CDH13: variants seen among roughly 807,000 people sequenced by gnomAD.
CDH13 encodes cadherin-13.
A neutral mutation model predicts 63.8 loss-of-function variants in CDH13; 24 were observed. The observed-to-expected ratio is 0.38, with a 90% CI of 0.27 to 0.53. CDH13 has a LOEUF of 0.53. CDH13 is among the 20% of genes least tolerant of loss of function. The pLI is 0.85. For missense variants in CDH13, 1,049 were observed against 903.1 expected (o/e 1.16, Z -2.07); for synonymous variants, 503 against 355.3 (o/e 1.42, Z -4.67).
chr16:83,566,075 C>T (rs1470666978), intron 7 of CDH13, among the ~76,000 whole-genome samples: 1 of 152,196 alleles, frequency 6.6e-6, no homozygotes, highest in African/African-American at 2.4e-5. Flanking sequence ...CGTCTCTTGA[C>T]TTGGACTATG....
intron 11 of CDH13, among the ~76,000 whole-genome samples, chr16:83,765,476 C>A (rs1017812752): frequency 6.6e-6 from 1 of 151,878 alleles, no homozygotes; most frequent in Non-Finnish European, 1.5e-5. Context: ...GGAAACCTGG[C>A]GTTATATTAT....
intron 1 of CDH13, among the ~76,000 whole-genome samples, chr16:82,758,780 A>G (rs16958523): frequency 0.022 from 3,355 of 152,316 alleles, 100 homozygotes; most frequent in African/African-American, 0.076. Context: ...GATTAGCCCA[A>G]TGAACATTTA....
chr16:82,682,816 T>C (rs1914686495), intron 1 of CDH13, among the ~76,000 whole-genome samples: 2 of 152,196 alleles, frequency 1.3e-5, no homozygotes, highest in African/African-American at 2.4e-5. Context: ...CTCTTGTAAT[T>C]TTCCGAAGTC....
intron 1 of CDH13, among the ~76,000 whole-genome samples, chr16:82,648,002 G>T (rs1174403721): frequency 6.6e-6 from 1 of 152,136 alleles, no homozygotes; most frequent in African/African-American, 2.4e-5. Flanking sequence ...GGTTTCATAA[G>T]GGGCAGTTCC....
At chr16:83,153,045 C>A (rs1160763578) in intron 4 of CDH13, among the ~76,000 whole-genome samples, 1 of 152,176 alleles carries the variant, frequency 6.6e-6, no homozygotes, top group African/African-American at 2.4e-5. Flanking sequence ...CTACCCAGAG[C>A]CAACTTCTCA....
Position 83,032,221 on chromosome 16 carries a change from AAC to A in CDH13, c.366+7_366+8del, listed in dbSNP as rs1304563526. ...AAGACATCCAGGGCTCCTTGCAGGT[AAC>A]ACATCTGTTTGAGATAACTTGGGTT... On this transcript the variant is annotated splice_donor_5th_base_variant and intron_variant, in intron 3 of 13. Transcript: ENST00000567109. 2.5e-6 allele frequency: 4 copies of A among 1,611,562 alleles called. No individual in the cohort carries two copies. In the Admixed American group the frequency reaches 5.0e-5, roughly 20 times the overall value.
At chr16:83,746,844 A>G (rs539916167) in intron 10 of CDH13, among the ~76,000 whole-genome samples, 7 of 152,336 alleles carry the variant, frequency 4.6e-5, no homozygotes, top group East Asian at 3.9e-4. Flanking sequence ...GATAGATAAG[A>G]CTATTATTTC....
At chr16:83,600,001 A>T (rs964802553) in intron 7 of CDH13, among the ~76,000 whole-genome samples, 29 of 152,316 alleles carry the variant, frequency 1.9e-4, no homozygotes, top group Middle Eastern at 3.4e-3. Flanking sequence ...CTCGTCAGTG[A>T]TGACAAGCAG....
chr16:82,679,071 C>G (rs570728053), intron 1 of CDH13, among the ~76,000 whole-genome samples: 1 of 152,336 alleles, frequency 6.6e-6, no homozygotes, highest in South Asian at 2.1e-4. Context: ...TCAGAAATGT[C>G]TGTCTCTAGG....
At chr16:83,628,886 T>C (rs1318004568) in intron 8 of CDH13, among the ~76,000 whole-genome samples, 1 of 152,250 alleles carries the variant, frequency 6.6e-6, no homozygotes, top group Non-Finnish European at 1.5e-5. Flanking sequence ...AAAGAAATTT[T>C]AATAATGCTT....
intron 7 of CDH13, among the ~76,000 whole-genome samples, chr16:83,491,264 T>G (rs572785060): frequency 2.5e-4 from 38 of 152,218 alleles, no homozygotes; most frequent in Non-Finnish European, 5.3e-4. Flanking sequence ...CTTAAGTGTT[T>G]GGGGAGATGT....
intron 4 of CDH13, among the ~76,000 whole-genome samples, chr16:83,158,468 C>T (rs191800707): frequency 1.5e-3 from 236 of 152,364 alleles, no homozygotes; most frequent in African/African-American, 5.4e-3. Context: ...CCCAGGCTCA[C>T]GTGTACTTGC....
chr16:83,266,101 TA>T (rs1265565204), intron 5 of CDH13, among the ~76,000 whole-genome samples: 2 of 152,054 alleles, frequency 1.3e-5, no homozygotes, highest in African/African-American at 4.8e-5. Context: ...CACGTCCGGC[TA>T]ATTTTTGTGT....
At chr16:83,428,722 C>T (rs1186522238) in intron 6 of CDH13, among the ~76,000 whole-genome samples, 2 of 152,214 alleles carry the variant, frequency 1.3e-5, no homozygotes, top group East Asian at 1.9e-4. Context: ...TTGCGATTCT[C>T]TTCTTGCCTT....
intron 5 of CDH13, among the ~76,000 whole-genome samples, chr16:83,343,039 T>A (rs2090762753): frequency 6.6e-6 from 1 of 152,020 alleles, no homozygotes; most frequent in African/African-American, 2.4e-5. Context: ...CTGTGAGATC[T>A]CCTTTGTGTG....
chr16:83,775,146 C>T (rs769970819), intron 11 of CDH13, among the ~76,000 whole-genome samples: 4 of 151,730 alleles, frequency 2.6e-5, no homozygotes, highest in Non-Finnish European at 4.4e-5. Flanking sequence ...AGGCCTGACA[C>T]TCACGGTGTC....
intron 4 of CDH13, among the ~76,000 whole-genome samples, chr16:83,158,856 C>T (rs989533711): frequency 6.6e-6 from 1 of 152,206 alleles, no homozygotes; most frequent in South Asian, 2.1e-4. Flanking sequence ...CTGGAGCCAT[C>T]AAATGCTGGG....
chr16:83,386,348 T>C (rs937899627), intron 6 of CDH13, among the ~76,000 whole-genome samples: 1 of 152,148 alleles, frequency 6.6e-6, no homozygotes, highest in Non-Finnish European at 1.5e-5. Context: ...TGCTGGAATG[T>C]TGGGGGCAGC....
At chr16:83,503,803 G>C (rs1212525707) in intron 7 of CDH13, among the ~76,000 whole-genome samples, 2 of 152,094 alleles carry the variant, frequency 1.3e-5, no homozygotes, top group Admixed American at 6.6e-5. Context: ...ACCTTTGCCA[G>C]ATGGGTAGAT....
Sources: allele counts gnomAD v4.1 joint callset (sites outside exome capture counted in the v4.1 genomes callset), GRCh38; gene constraint gnomAD v4.1.1; transcripts MANE v1.5; gene names NCBI Gene and HGNC (gene_info 2026-07-23, HGNC 2026-07-21).